The following PRRG1 variants were observed in gnomAD, a reference collection of about 807,000 sequenced individuals.
PRRG1 encodes proline rich and Gla domain 1.
In PRRG1, 5 loss-of-function variants were observed where a neutral mutation model predicts 11.8. That is an observed-to-expected ratio of 0.42 (90% CI 0.22 to 0.89). The LOEUF is 0.89. PRRG1 is among the 40% of genes least tolerant of loss of function. The pLI is 0.28. For synonymous variants in PRRG1, 66 were observed against 60.4 expected (o/e 1.09, Z -0.43); for missense variants, 155 against 166.1 (o/e 0.93, Z 0.37).
At chrX:37,395,417 A>C (rs782313369) in intron 1 of PRRG1, among the ~76,000 whole-genome samples, 1 of 111,370 alleles carries the variant, frequency 9.0e-6, no homozygotes, top group Admixed American at 9.6e-5. Flanking sequence ...GGTCGAGACC[A>C]GCATGGCCAA....
chrX:37,414,953 A>G (rs1348981699), intron 2 of PRRG1, among the ~76,000 whole-genome samples: 1 of 112,427 alleles, frequency 8.9e-6, no homozygotes, highest in Admixed American at 9.4e-5. Context: ...GTTGAACCAT[A>G]GGAACCTACA....
chrX:37,415,346 T>A lies in PRRG1; in HGVS notation c.10+9087T>A, dbSNP rs187944463. On this transcript the variant is annotated intron_variant, in intron 2 of 3. Coordinates refer to ENST00000378628, the MANE Select transcript of PRRG1 (RefSeq NM_001142395.2). ...TGGCTTGAACCTGGGAGGCAGAGGTTGCAGTGAGCCGAGATCATACCCCTG... is the reference window on the plus strand; with the variant it reads ...TGGCTTGAACCTGGGAGGCAGAGGTAGCAGTGAGCCGAGATCATACCCCTG... Among the ~76,000 whole-genome samples the A allele has an allele frequency of 3.1e-3, 343 of 111,223 alleles. 1 individual carries two copies. Among genetic ancestry groups the A allele is most frequent in the African/African-American group, 0.01 (312 of 30,494 alleles).
At chrX:37,432,276 A>AT (rs1556390618) in intron 3 of PRRG1, among the ~76,000 whole-genome samples, 5 of 104,027 alleles carry the variant, frequency 4.8e-5, no homozygotes, top group Non-Finnish European at 7.6e-5. Context: ...TTTAGTAGAG[A>AT]CGGCTTTCAC....
intron 2 of PRRG1, among the ~76,000 whole-genome samples, chrX:37,414,097 G>A (rs951734738): frequency 2.7e-5 from 3 of 111,673 alleles, no homozygotes; most frequent in African/African-American, 6.6e-5. Context: ...GCCGTTAAGC[G>A]ACACATGACC....
chrX:37,406,285 A>T (rs1325211506), intron 2 of PRRG1, 26 bp downstream of exon 2: 1 of 1,167,931 alleles, frequency 8.6e-7, no homozygotes. Flanking sequence ...TTTTTAAGTA[A>T]TTCAGACTGT....
rs1556397961 is a variant in PRRG1, at chrX:37,455,036, A to G, written c.*1415A>G. On this transcript the variant is annotated 3_prime_UTR_variant, in exon 4 of 4. Coordinates refer to ENST00000378628, the MANE Select transcript of PRRG1 (RefSeq NM_001142395.2). ...ATGATTGATGAGGCAGGCAGAAGGA[A>G]TGTAGGTTTCAGGTGTGTCATTTCC... 1 of 111,834 alleles carries G rather than the reference A, an allele frequency of 8.9e-6. No individual in the cohort carries two copies. Among genetic ancestry groups the G allele is most frequent in the African/African-American group, 3.3e-5 (1 of 30,768 alleles). The allele number at this position is 111,834 out of a possible 1,213,427, so 9.2% of individuals were successfully genotyped here. A position where few individuals can be genotyped will look rare whatever the true frequency, so the allele number is the denominator to read the frequency against.
chrX:37,405,210 T>A (rs1932150321), intron 1 of PRRG1, among the ~76,000 whole-genome samples: 1 of 112,100 alleles, frequency 8.9e-6, no homozygotes, highest in Non-Finnish European at 1.9e-5. Context: ...AACACACTTT[T>A]TAACATGCTG....
intron 1 of PRRG1, among the ~76,000 whole-genome samples, chrX:37,404,163 A>T (rs1295305537): frequency 6.3e-5 from 7 of 111,665 alleles, no homozygotes; most frequent in African/African-American, 2.3e-4. Context: ...AAAATATGAG[A>T]AGTCCTGCCA....
chrX:37,365,055 A>G (rs989294177), intron 1 of PRRG1, among the ~76,000 whole-genome samples: 4 of 111,968 alleles, frequency 3.6e-5, no homozygotes, highest in African/African-American at 1.3e-4. Context: ...GAAGCTATGA[A>G]TTCTATTAAG....
intron 3 of PRRG1, among the ~76,000 whole-genome samples, chrX:37,437,173 G>A (rs1178463429): frequency 9.0e-6 from 1 of 111,455 alleles, no homozygotes; most frequent in East Asian, 2.8e-4. Flanking sequence ...TTAGTCTCTG[G>A]CAGTTGGGCC....
chrX:37,424,723 T>C (rs1932753844), intron 2 of PRRG1, among the ~76,000 whole-genome samples: 1 of 110,218 alleles, frequency 9.1e-6, no homozygotes, highest in Admixed American at 9.7e-5. Flanking sequence ...ATCTAGCTGG[T>C]GTCAATTTGG....
At chrX:37,404,700 TTGG>T (rs1932133417) in intron 1 of PRRG1, among the ~76,000 whole-genome samples, 1 of 111,272 alleles carries the variant, frequency 9.0e-6, no homozygotes, top group Non-Finnish European at 1.9e-5. Flanking sequence ...TTTTTATATA[TTGG>T]TGGTCCGCAT....
chrX:37,410,180 G>T (rs1447300766), intron 2 of PRRG1, among the ~76,000 whole-genome samples: 1 of 111,876 alleles, frequency 8.9e-6, no homozygotes, highest in Non-Finnish European at 1.9e-5. Context: ...ATTATTCTGA[G>T]ATTAACACAT....
At chrX:37,370,746 C>T (rs1177522698) in intron 1 of PRRG1, among the ~76,000 whole-genome samples, 1 of 111,841 alleles carries the variant, frequency 8.9e-6, no homozygotes, top group African/African-American at 3.3e-5. Context: ...CTGGGAAGGC[C>T]CCCCATGCGC....
chrX:37,402,209 G>A (rs1932019765), intron 1 of PRRG1, among the ~76,000 whole-genome samples: 1 of 111,541 alleles, frequency 9.0e-6, no homozygotes, highest in Non-Finnish European at 1.9e-5. Context: ...CAAAGCTGGA[G>A]GCATCACACT....
chrX:37,365,665 TG>T (rs1930552410), intron 1 of PRRG1, among the ~76,000 whole-genome samples: 1 of 112,249 alleles, frequency 8.9e-6, no homozygotes, highest in African/African-American at 3.2e-5. Context: ...AGCACTGACT[TG>T]ATCTTATTTT....
At chrX:37,398,259 G>A (rs1213433827) in intron 1 of PRRG1, among the ~76,000 whole-genome samples, 3 of 110,804 alleles carry the variant, frequency 2.7e-5, no homozygotes, top group African/African-American at 9.9e-5. Flanking sequence ...GCCTCACACG[G>A]CCGGGTACTC....
At chrX:37,449,152 G>A (rs1295772869) in intron 3 of PRRG1, among the ~76,000 whole-genome samples, 1 of 111,242 alleles carries the variant, frequency 9.0e-6, no homozygotes, top group African/African-American at 3.3e-5. Context: ...CTCTCAACAA[G>A]GCAGCTTTTG....
chrX:37,442,201 T>A, intron 3 of PRRG1: 4 of 753,937 alleles, frequency 5.3e-6, no homozygotes, highest in Non-Finnish European at 6.3e-6. Flanking sequence ...TTATTGGCAA[T>A]AAAGTTATCT....
Sources: allele counts gnomAD v4.1 joint callset (sites outside exome capture counted in the v4.1 genomes callset), GRCh38; gene constraint gnomAD v4.1.1; transcripts MANE v1.5; gene names NCBI Gene and HGNC (gene_info 2026-07-23, HGNC 2026-07-21).